Variants in POR observed in about 807,000 individuals in gnomAD.
POR encodes NADPH--cytochrome P450 reductase.
Under a neutral mutation model 84.0 loss-of-function variants are expected in POR, and 56 were observed. That is an observed-to-expected ratio of 0.67 (90% CI 0.54 to 0.83). POR has a LOEUF of 0.83. Among genes scored for constraint, POR ranks in the 40% least tolerant of loss-of-function variants. The pLI, the probability that POR is intolerant of heterozygous loss-of-function variation, is 0.00. For synonymous variants in POR, 414 were observed against 400.5 expected (o/e 1.03, Z -0.40); for missense variants, 938 against 944.3 (o/e 0.99, Z 0.09).
chr7:75,948,699 A>C (rs142123092), intron 1 of POR, among the ~76,000 whole-genome samples: 14 of 152,316 alleles, frequency 9.2e-5, no homozygotes, highest in African/African-American at 3.4e-4. Flanking sequence ...CCTTCTATTC[A>C]CATGTTTATT....
chr7:75,929,420 A>G (rs1176861493), intron 1 of POR, among the ~76,000 whole-genome samples: 1 of 152,038 alleles, frequency 6.6e-6, no homozygotes, highest in Non-Finnish European at 1.5e-5. Flanking sequence ...ATGCACCACC[A>G]TGCCCAGCTA....
chr7:75,984,396 C>T (rs1022410895), intron 10 of POR, among the ~76,000 whole-genome samples: 4 of 152,332 alleles, frequency 2.6e-5, no homozygotes, highest in Non-Finnish European at 4.4e-5. Context: ...TCGCCCCACC[C>T]CTGCTTGCCG....
chr7:75,978,957 C>T (rs781827751), intron 3 of POR, among the ~76,000 whole-genome samples: 8 of 152,052 alleles, frequency 5.3e-5, no homozygotes, highest in Admixed American at 1.3e-4. Context: ...CCACCATGCC[C>T]GGCTAATTTT....
rs1788940707 is a variant in POR, at chr7:75,980,322, T to C, written c.367-17T>C. On this transcript the variant is annotated splice_polypyrimidine_tract_variant and intron_variant, in intron 4 of 15. Transcript: ENST00000461988. ...CTCAGTCATGGCCGGGGCGCGGTCCTGTCCCTGTTTCTGCAGGCCGACCTG... is the reference window on the plus strand; with the variant it reads ...CTCAGTCATGGCCGGGGCGCGGTCCCGTCCCTGTTTCTGCAGGCCGACCTG... 1 of 1,610,384 alleles carries C rather than the reference T, an allele frequency of 6.2e-7. No homozygotes were observed. The highest frequency in any genetic ancestry group is 1.3e-5 in the African/African-American group (1 of 74,988).
In POR at chr7:75,984,978, G is replaced by A. The variant is rs2286823; in HGVS notation, c.1248+20G>A. The A allele has an allele frequency of 0.3, 469,022 of 1,572,946 alleles. 71,928 individuals carry two copies. Among genetic ancestry groups the A allele is most frequent in the East Asian group, 0.41 (18,267 of 44,244 alleles). ...GGCAAGGTGCGCCCCCTCAGCCCCC[G>A]CAACCTCCGCCCCGTCACCCCGCCG... On this transcript the variant is annotated intron_variant, in intron 11 of 15. Transcript: ENST00000461988.
chr7:75,935,505 C>T (rs1255294195), intron 1 of POR, among the ~76,000 whole-genome samples: 1 of 151,826 alleles, frequency 6.6e-6, no homozygotes, highest in Non-Finnish European at 1.5e-5. Context: ...GTCGGCCTCC[C>T]AAAGTGCTGG....
intron 1 of POR, among the ~76,000 whole-genome samples, chr7:75,939,353 C>T (rs1807849876): frequency 6.6e-6 from 1 of 152,320 alleles, no homozygotes; most frequent in African/African-American, 2.4e-5. Context: ...GCGGAGCCCT[C>T]GTGCGGGTTC....
In POR at chr7:75,981,380, G is replaced by A. The variant is rs556484869; in HGVS notation, c.642-137G>A. 2.7e-3 allele frequency: 3,286 copies of A among 1,204,322 alleles called. 7 individuals carry two copies. The highest frequency in any genetic ancestry group is 3.3e-3 in the Non-Finnish European group (2,874 of 861,512). The allele number at this position is 1,204,322 out of a possible 1,614,324, so 74.6% of individuals were successfully genotyped here. ...CCCTGGAGCCTTCCTGATGCTCTGG[G>A]TTTATGTCGCTGGGTGCCCCAGGGT... is the stretch of plus-strand genomic sequence containing the variant. On this transcript the variant is annotated intron_variant, in intron 6 of 15. Coordinates refer to ENST00000461988, the MANE Select transcript of POR (RefSeq NM_000941.3).
chr7:75,955,897 T>C (rs1467345389), intron 2 of POR, among the ~76,000 whole-genome samples: 1 of 152,148 alleles, frequency 6.6e-6, no homozygotes, highest in Non-Finnish European at 1.5e-5. Flanking sequence ...CCAATCTGGG[T>C]ATCAGCCTTC....
chr7:75,924,636 G>A (rs1378126021), intron 1 of POR, among the ~76,000 whole-genome samples: 2 of 152,122 alleles, frequency 1.3e-5, no homozygotes, highest in African/African-American at 4.8e-5. Context: ...GCCCAGGGAG[G>A]TTGAGGCTGC....
intron 12 of POR, 128 bp from the exon 13 acceptor site, chr7:75,985,451 A>G: frequency 8.0e-7 from 1 of 1,243,698 alleles, no homozygotes; most frequent in Non-Finnish European, 1.1e-6. Context: ...GGGGCCTCTG[A>G]GGTTTGGGTG....
At chr7:75,922,923 T>C (rs782511873) in intron 1 of POR, 12 of 666,678 alleles carry the variant, frequency 1.8e-5, no homozygotes, top group Non-Finnish European at 3.2e-5. Flanking sequence ...CATTCCTACA[T>C]GATTCCTGGC....
chr7:75,969,684 G>C (rs1448087629), intron 2 of POR, among the ~76,000 whole-genome samples: 4 of 152,242 alleles, frequency 2.6e-5, no homozygotes, highest in Non-Finnish European at 5.9e-5. Flanking sequence ...TGCCAGGTCA[G>C]ACCTCAGAGG....
intron 1 of POR, among the ~76,000 whole-genome samples, chr7:75,945,806 G>C (rs919398967): frequency 7.9e-5 from 12 of 152,188 alleles, no homozygotes; most frequent in African/African-American, 2.9e-4. Flanking sequence ...TGGGGTGTCT[G>C]ACTCACCCCA....
chr7:75,922,985 C>T, intron 1 of POR: 3 of 675,770 alleles, frequency 4.4e-6, no homozygotes, highest in Non-Finnish European at 8.0e-6. Context: ...AAACCTCACA[C>T]CTTGGAATCG....
At chr7:75,979,863 A>C in intron 4 of POR, 5 of 399,944 alleles carry the variant, frequency 1.3e-5, no homozygotes, top group East Asian at 1.0e-4. Flanking sequence ...TCCCAAACCA[A>C]ACCCACCCTC....
intron 3 of POR, 90 bp from the exon 4 acceptor site, chr7:75,979,361 C>T: frequency 6.7e-7 from 1 of 1,497,680 alleles, no homozygotes; most frequent in Non-Finnish European, 9.1e-7. Flanking sequence ...GCCTGGAGGG[C>T]CCCCGCCTGC....
intron 2 of POR, among the ~76,000 whole-genome samples, chr7:75,954,961 G>A (rs1787620010): frequency 6.6e-6 from 1 of 152,070 alleles, no homozygotes; most frequent in Non-Finnish European, 1.5e-5. Flanking sequence ...GCCCACCTCG[G>A]CCTCCCAAAG....
chr7:75,956,047 C>T (rs1787672338), intron 2 of POR, among the ~76,000 whole-genome samples: 1 of 152,166 alleles, frequency 6.6e-6, no homozygotes, highest in African/African-American at 2.4e-5. Context: ...TCTGTAATTC[C>T]ACCACTTTGG....
Sources: gnomAD v4.1 joint callset for allele counts (sites outside exome capture counted in the v4.1 genomes callset) on GRCh38, gnomAD v4.1.1 for gene constraint, MANE v1.5 for transcripts, NCBI Gene and HGNC (gene_info 2026-07-23, HGNC 2026-07-21) for gene names.